Variants in NTM observed in about 807,000 individuals in gnomAD.
NTM encodes the protein neurotrimin.
NTM carries 13 observed loss-of-function variants against 42.1 expected under a neutral mutation model. The observed-to-expected ratio is 0.31, with a 90% CI of 0.20 to 0.49. The LOEUF is 0.49. Ranked by LOEUF, NTM falls within the 20% of genes least tolerant of loss-of-function variation. The pLI, the probability that NTM is intolerant of heterozygous loss-of-function variation, is 0.99. For synonymous variants in NTM, 187 were observed against 179.2 expected (o/e 1.04, Z -0.35); for missense variants, 373 against 452.8 (o/e 0.82, Z 1.60).
At chr11:132,061,125 T>A (rs914540236) in intron 2 of NTM, among the ~76,000 whole-genome samples, 1 of 152,218 alleles carries the variant, frequency 6.6e-6, no homozygotes, top group Non-Finnish European at 1.5e-5. Flanking sequence ...CTAGTTGCAA[T>A]TTTTGTTCAA....
chr11:132,331,639 A>AACTT (rs1361467423), intron 8 of NTM, among the ~76,000 whole-genome samples: 11 of 152,192 alleles, frequency 7.2e-5, no homozygotes, highest in African/African-American at 2.7e-4. Flanking sequence ...GCTCTTAAGG[A>AACTT]ACTTACTGCA....
At chr11:131,947,294 C>T (rs537145911) in intron 2 of NTM, among the ~76,000 whole-genome samples, 1 of 152,244 alleles carries the variant, frequency 6.6e-6, no homozygotes, top group African/African-American at 2.4e-5. Flanking sequence ...TATTGAGGGA[C>T]TGGGTTTATC....
At chr11:131,450,767 A>G (rs11603217) in intron 1 of NTM, among the ~76,000 whole-genome samples, 4,942 of 152,342 alleles carry the variant, frequency 0.032, 119 homozygotes, top group Non-Finnish European at 0.049. Context: ...TAGGCCTTCT[A>G]AAATATCTGT....
chr11:132,319,674 T>C (rs962670613), intron 7 of NTM, among the ~76,000 whole-genome samples: 3 of 152,274 alleles, frequency 2.0e-5, no homozygotes, highest in Admixed American at 6.5e-5. Context: ...TGCCTGCCTC[T>C]GTAGGCTCCA....
chr11:132,256,185 T>C (rs2092454636), intron 4 of NTM, among the ~76,000 whole-genome samples: 1 of 152,208 alleles, frequency 6.6e-6, no homozygotes, highest in Non-Finnish European at 1.5e-5. Flanking sequence ...TCTAACACCA[T>C]GGTTGTCTTG....
chr11:132,212,999 G>A (rs1180804901), intron 4 of NTM, among the ~76,000 whole-genome samples: 1 of 152,054 alleles, frequency 6.6e-6, no homozygotes, highest in African/African-American at 2.4e-5. Context: ...TGGTATTAAG[G>A]GTGAGAAAAT....
intron 1 of NTM, among the ~76,000 whole-genome samples, chr11:131,584,321 C>A (rs796576825): frequency 1.3e-5 from 2 of 152,322 alleles, no homozygotes; most frequent in African/African-American, 4.8e-5. Flanking sequence ...CCAGCATTTT[C>A]TAATAATACT....
At position 131,473,224 on chromosome 11, in the gene NTM, G is replaced by C. The variant is rs573168899; in HGVS notation, c.82+102336G>C. 3.3e-5 allele frequency among the ~76,000 whole-genome samples: 5 copies of C among 152,242 alleles called. No individual in the cohort carries two copies. The South Asian group carries it at 1.0e-3, about 32-fold the overall frequency. On this transcript the variant is annotated intron_variant, in intron 1 of 8. Coordinates refer to ENST00000683400, the MANE Select transcript of NTM (RefSeq NM_001352005.2). ...CTTGGTAGCAGGCAGGAGCAGAGAG[G>C]AGGCTGTAATCCACTATGGAGCCCA...
At chr11:132,185,787 GC>G (rs35060653) in intron 3 of NTM, among the ~76,000 whole-genome samples, 2,455 of 152,266 alleles carry the variant, frequency 0.016, 59 homozygotes, top group African/African-American at 0.055. Context: ...CTGGGAGAGA[GC>G]CCAGGATGGA....
At chr11:131,901,703 T>C (rs1402106397) in intron 1 of NTM, among the ~76,000 whole-genome samples, 3 of 152,218 alleles carry the variant, frequency 2.0e-5, no homozygotes, top group Admixed American at 6.5e-5. Flanking sequence ...AAAAGGTATC[T>C]GTGATCCTGA....
chr11:131,668,107 A>C (rs1046505940), intron 1 of NTM, among the ~76,000 whole-genome samples: 2 of 152,160 alleles, frequency 1.3e-5, no homozygotes, highest in Admixed American at 1.3e-4. Flanking sequence ...TGCAACTCAC[A>C]TGAGAAGAAG....
At chr11:131,490,617 T>A (rs1255962275) in intron 1 of NTM, among the ~76,000 whole-genome samples, 1 of 152,248 alleles carries the variant, frequency 6.6e-6, no homozygotes, top group East Asian at 1.9e-4. Context: ...CAAAAAGAGC[T>A]AAGAGAAACA....
chr11:131,496,036 G>A (rs1399654149), intron 1 of NTM, among the ~76,000 whole-genome samples: 1 of 152,206 alleles, frequency 6.6e-6, no homozygotes, highest in Non-Finnish European at 1.5e-5. Flanking sequence ...GAACTCATTA[G>A]GATTGAAGGA....
intron 1 of NTM, among the ~76,000 whole-genome samples, chr11:131,741,727 A>G (rs2081225235): frequency 6.6e-6 from 1 of 152,204 alleles, no homozygotes; most frequent in Non-Finnish European, 1.5e-5. Flanking sequence ...TTGTGAATTA[A>G]AAAATAGAAA....
chr11:132,129,588 G>A (rs1360088308), intron 2 of NTM, among the ~76,000 whole-genome samples: 2 of 152,170 alleles, frequency 1.3e-5, no homozygotes, highest in Non-Finnish European at 2.9e-5. Context: ...TAGAAGTAAG[G>A]TTAGCTTCAG....
intron 1 of NTM, among the ~76,000 whole-genome samples, chr11:131,522,311 G>A (rs1278824156): frequency 6.6e-6 from 1 of 150,882 alleles, no homozygotes; most frequent in Non-Finnish European, 1.5e-5. Flanking sequence ...TGGCTTGTAA[G>A]TCAGGTGACC....
At chr11:132,034,624 C>T (rs2076297471) in intron 2 of NTM, among the ~76,000 whole-genome samples, 1 of 152,324 alleles carries the variant, frequency 6.6e-6, no homozygotes, top group Non-Finnish European at 1.5e-5. Context: ...CCACCTTTGA[C>T]ACCTAGTTTT....
chr11:131,386,825 A>G (rs1943375787), intron 1 of NTM, among the ~76,000 whole-genome samples: 3 of 152,204 alleles, frequency 2.0e-5, no homozygotes, highest in African/African-American at 7.2e-5. Flanking sequence ...GACTTTAACT[A>G]AAAATATAAT....
intron 2 of NTM, among the ~76,000 whole-genome samples, chr11:131,914,905 C>T (rs2056024355): frequency 1.3e-5 from 2 of 152,204 alleles, no homozygotes; most frequent in East Asian, 1.9e-4. Context: ...TAATAACAGC[C>T]CTATGGTGTA....
Sources: gnomAD v4.1 joint callset for allele counts (sites outside exome capture counted in the v4.1 genomes callset) on GRCh38, gnomAD v4.1.1 for gene constraint, MANE v1.5 for transcripts, NCBI Gene and HGNC (gene_info 2026-07-23, HGNC 2026-07-21) for gene names.